Variants in ACOX1 observed in about 807,000 individuals in gnomAD.
ACOX1 encodes the protein peroxisomal acyl-coenzyme A oxidase 1.
Under a neutral mutation model 75.5 loss-of-function variants are expected in ACOX1, and 41 were observed. That is an observed-to-expected ratio of 0.54 (90% CI 0.42 to 0.70). The LOEUF (loss-of-function observed/expected upper bound fraction) is 0.70. ACOX1 is among the 30% of genes least tolerant of loss of function. The pLI is 0.00. For missense variants in ACOX1, 630 were observed against 837.5 expected (o/e 0.75, Z 3.06); for synonymous variants, 303 against 298.8 (o/e 1.01, Z -0.15).
chr17:75,946,881 T>TG (rs2065725358), intron 13 of ACOX1, 86 bp from the exon 14 acceptor site: 19 of 1,325,032 alleles, frequency 1.4e-5, no homozygotes, highest in Non-Finnish European at 1.9e-5. Flanking sequence ...TTTTTGTTTT[T>TG]TTTTTGAGAC....
intron 4 of ACOX1, among the ~76,000 whole-genome samples, chr17:75,956,959 CTCTCTCTCTCTCTA>C (rs2065834743): frequency 8.3e-4 from 21 of 25,212 alleles, no homozygotes; most frequent in African/African-American, 2.1e-3. Context: ...CTCTCTCTCT[CTCTCTCTCTCTCTA>C]TATATATATA....
chr17:75,949,990 A>AG lies in ACOX1; in HGVS notation c.1299-94dup, dbSNP rs778024267. 59 of 1,385,474 alleles carry AG rather than the reference A, an allele frequency of 4.3e-5. No homozygotes were observed. The African/African-American group carries it at 5.7e-4, about 13-fold the overall frequency. The allele number at this position is 1,385,474 out of a possible 1,614,324, so 85.8% of individuals were successfully genotyped here. On this transcript the variant is annotated intron_variant, in intron 9 of 13. Coordinates refer to ENST00000293217, the MANE Select transcript of ACOX1 (RefSeq NM_004035.7). ...CATTCTTGTTGCCTAGGCTGGATGG[A>AG]GTGCAATGGCCAGATCTCAGCTCAC...
intron 2 of ACOX1, among the ~76,000 whole-genome samples, chr17:75,961,491 C>T (rs1216637419): frequency 1.4e-5 from 2 of 145,138 alleles, no homozygotes; most frequent in Admixed American, 6.9e-5. Context: ...AAAAAAAGGC[C>T]GGGCACCGTG....
rs567320717 is a variant in ACOX1 at position 75,942,595 on chromosome 17, T to G, written c.*4153A>C. 1.4e-4 allele frequency: 21 copies of G among 152,206 alleles called. No homozygotes were observed. Among genetic ancestry groups the G allele is most frequent in the African/African-American group, 5.1e-4 (21 of 41,528 alleles). 9.4% of individuals were successfully genotyped at this position (152,206 alleles called of 1,614,324 possible). Reference sequence around the variant, plus strand: ...TTATTTCATGAAAATGATCAAAACCTTTATCTAAGTCAGAACATCAACAAG... The same window carrying G: ...TTATTTCATGAAAATGATCAAAACCGTTATCTAAGTCAGAACATCAACAAG... On this transcript the variant is annotated 3_prime_UTR_variant, in exon 14 of 14. Coordinates refer to ENST00000293217, the MANE Select transcript of ACOX1 (RefSeq NM_004035.7).
In ACOX1 at chr17:75,952,861, G is replaced by C. The variant is rs998048037; in HGVS notation, c.944+590C>G. ...AAAAAAAAAAAGAAAAGAAAATAGA[G>C]ACAGGGTCTCACTATGTTGCTCAAG... On this transcript the variant is annotated intron_variant, in intron 7 of 13. Coordinates refer to ENST00000293217, the MANE Select transcript of ACOX1 (RefSeq NM_004035.7). Among the ~76,000 whole-genome samples, 4 of 150,980 alleles carry C rather than the reference G, an allele frequency of 2.6e-5. No individual in the cohort carries two copies. In the East Asian group the frequency reaches 7.8e-4, roughly 30 times the overall value.
rs879801897 is a variant in ACOX1, at chr17:75,946,393, A to G, written c.*355T>C. On this transcript the variant is annotated 3_prime_UTR_variant, in exon 14 of 14. Coordinates refer to ENST00000293217, the MANE Select transcript of ACOX1 (RefSeq NM_004035.7). ...AATACCTTTGCTTAAAAACACTTAT[A>G]TAGCCAGTGATTAGCAATTAAAATG... 8.6e-6 allele frequency: 3 copies of G among 348,944 alleles called. No individual in the cohort carries two copies. The highest frequency in any genetic ancestry group is 1.7e-5 in the Non-Finnish European group (3 of 180,324). 21.6% of individuals were successfully genotyped at this position (348,944 alleles called of 1,614,324 possible). A position where few individuals can be genotyped will look rare whatever the true frequency, so the allele number is the denominator to read the frequency against.
intron 3 of ACOX1, among the ~76,000 whole-genome samples, chr17:75,959,425 G>A (rs73355733): frequency 0.018 from 2,730 of 152,298 alleles, 64 homozygotes; most frequent in African/African-American, 0.061. Flanking sequence ...ATAAAAAGCA[G>A]CAGCTGTATA....
chr17:75,957,445 A>C lies in ACOX1; in HGVS notation c.538+14T>G. ...CCTTCAAAACATCCAATAAATGCTG[A>C]AAAATTCACTTACGCCCACCAGGCC... On this transcript the variant is annotated intron_variant, in intron 4 of 13. Transcript: ENST00000293217. 1.9e-6 allele frequency: 3 copies of C among 1,602,470 alleles called. No individual in the cohort carries two copies. Among genetic ancestry groups the C allele is most frequent in the Non-Finnish European group, 2.6e-6 (3 of 1,169,394 alleles).
chr17:75,978,129 C>A lies in ACOX1; in HGVS notation c.269+405G>T, dbSNP rs182727203. On this transcript the variant is annotated intron_variant, in intron 2 of 13. Transcript: ENST00000293217. The surrounding 1 kb of genome is among the most constrained non-coding windows in gnomAD (Gnocchi z 4.2). ...TTATTTTTTGAGATGGAGTCTCGCA[C>A]TCTTGCCCAGGCTGGAGTGCAGTGG... 4.5e-3 allele frequency among the ~76,000 whole-genome samples: 679 copies of A among 150,206 alleles called. 5 individuals are homozygous for A. The highest frequency in any genetic ancestry group is 7.4e-3 in the Non-Finnish European group (497 of 67,444).
intron 2 of ACOX1, among the ~76,000 whole-genome samples, chr17:75,974,426 C>T (rs1483900138): frequency 6.6e-6 from 1 of 152,156 alleles, no homozygotes; most frequent in African/African-American, 2.4e-5. Context: ...ATTAACTCTA[C>T]ATCACATTGA....
Position 75,948,464 on chromosome 17 carries a change from G to A in ACOX1, c.1729-7C>T. The A allele has an allele frequency of 1.9e-6, 3 of 1,612,970 alleles. No homozygotes were observed. The highest frequency in any genetic ancestry group is 2.5e-6 in the Non-Finnish European group (3 of 1,179,164). ...GCTCTGTCATGATGCTCCCCTAAAAGAGACCAAAATAAGTAAATAAAACAT... is the reference window on the plus strand; with the variant it reads ...GCTCTGTCATGATGCTCCCCTAAAAAAGACCAAAATAAGTAAATAAAACAT... On this transcript the variant is annotated splice_polypyrimidine_tract_variant and splice_region_variant and intron_variant, in intron 12 of 13. Coordinates refer to ENST00000293217, the MANE Select transcript of ACOX1 (RefSeq NM_004035.7).
chr17:75,948,500 A>G, intron 12 of ACOX1, 43 bp from the exon 13 acceptor site: 1 of 1,494,884 alleles, frequency 6.7e-7, no homozygotes, highest in Non-Finnish European at 9.2e-7. Flanking sequence ...ATATATGTAT[A>G]TAGATAGACA....
intron 7 of ACOX1, among the ~76,000 whole-genome samples, chr17:75,951,850 T>G (rs962114018): frequency 7.1e-6 from 1 of 140,188 alleles, no homozygotes; most frequent in Admixed American, 7.4e-5. Context: ...AGTCTCCCTC[T>G]GTCACCCAGG....
rs1181398889 is a variant in ACOX1 at position 75,944,057 on chromosome 17, C to T, written c.*2691G>A. 1 of 151,994 alleles carries T rather than the reference C, an allele frequency of 6.6e-6. No individual in the cohort carries two copies. The highest frequency in any genetic ancestry group is 1.5e-5 in the Non-Finnish European group (1 of 68,038). 9.4% of individuals were successfully genotyped at this position (151,994 alleles called of 1,614,324 possible). On this transcript the variant is annotated 3_prime_UTR_variant, in exon 14 of 14. Transcript: ENST00000293217. ...ACCAGCCTGGGCAACATGGCAAAAC[C>T]CCGTCTCTACAGAAAAAATAGAACA... is the stretch of plus-strand genomic sequence containing the variant.
At chr17:75,949,987 T>C in intron 9 of ACOX1, 90 bp from the exon 10 acceptor site, 2 of 1,378,422 alleles carry the variant, frequency 1.5e-6, no homozygotes, top group South Asian at 1.2e-5. Context: ...CTAGGCTGGA[T>C]GGAGTGCAAT....
At chr17:75,965,103 C>G (rs1301663994) in intron 2 of ACOX1, among the ~76,000 whole-genome samples, 1 of 151,866 alleles carries the variant, frequency 6.6e-6, no homozygotes, top group South Asian at 2.1e-4. Context: ...TTTGAGAGGC[C>G]GAGGAGGGCG....
At chr17:75,963,601 G>C (rs1181043539) in intron 2 of ACOX1, among the ~76,000 whole-genome samples, 2 of 151,744 alleles carry the variant, frequency 1.3e-5, no homozygotes, top group Non-Finnish European at 2.9e-5. Context: ...CGGGAGGCTG[G>C]GGTAGAAGAA....
chr17:75,956,063 G>A, intron 4 of ACOX1, 116 bp from the exon 5 acceptor site: 1 of 1,421,298 alleles, frequency 7.0e-7, no homozygotes, highest in South Asian at 1.2e-5. Context: ...AATAGTATGT[G>A]TCCAGAAAGC....
chr17:75,972,076 G>A (rs1053746875), intron 2 of ACOX1, among the ~76,000 whole-genome samples: 4 of 151,094 alleles, frequency 2.6e-5, no homozygotes, highest in African/African-American at 7.3e-5. Flanking sequence ...AGTGGCTCAT[G>A]CCTTGTAATC....
Sources: gnomAD v4.1 joint callset for allele counts (sites outside exome capture counted in the v4.1 genomes callset) on GRCh38, gnomAD v4.1.1 for gene constraint, Gnocchi (gnomAD v3.1) non-coding constraint, MANE v1.5 for transcripts, NCBI Gene and HGNC (gene_info 2026-07-23, HGNC 2026-07-21) for gene names.